TCF12: variants seen among roughly 807,000 people sequenced by gnomAD.
TCF12 encodes transcription factor 12, also known as DNA-binding protein HTF4.
A neutral mutation model predicts 86.0 loss-of-function variants in TCF12; 45 were observed. The ratio of observed to expected loss-of-function variants is 0.52; its 90% CI spans 0.41 to 0.67. The LOEUF is 0.67. TCF12 is among the 30% of genes least tolerant of loss of function. The pLI is 0.00. For missense variants in TCF12, 881 were observed against 859.9 expected (o/e 1.02, Z -0.31); for synonymous variants, 330 against 299.6 (o/e 1.10, Z -1.05).
In TCF12 at chr15:56,920,487, C is replaced by CACGTGTGTGTGTGTGTGTGT. The variant is rs3223202; in HGVS notation, c.75+499_75+500insACGTGTGTGTGTGTGTGTGT. Among the ~76,000 whole-genome samples, 509 of 146,950 alleles carry CACGTGTGTGTGTGTGTGTGT rather than the reference C, an allele frequency of 3.5e-3. 3 individuals are homozygous for CACGTGTGTGTGTGTGTGTGT. The highest frequency in any genetic ancestry group is 0.012 in the African/African-American group (473 of 39,704). On this transcript the variant is annotated intron_variant, in intron 2 of 20. Coordinates refer to ENST00000333725, the MANE Select transcript of TCF12 (RefSeq NM_207037.2). ...TACTTTTATTTTATACACACACACACGTGTGTGTGTGTGTGTGTGTGTATT... is the reference window on the plus strand; with the variant it reads ...TACTTTTATTTTATACACACACACACACGTGTGTGTGTGTGTGTGTGTGTGTGTGTGTGTGTGTGTGTATT...
chr15:56,926,140 T>G (rs1189283568), intron 3 of TCF12, among the ~76,000 whole-genome samples: 3 of 152,034 alleles, frequency 2.0e-5, no homozygotes, highest in Non-Finnish European at 2.9e-5. Flanking sequence ...AGCAAAACCC[T>G]GTCTCTACCA....
intron 5 of TCF12, among the ~76,000 whole-genome samples, chr15:57,096,971 T>G (rs547026558): frequency 1.3e-5 from 2 of 152,210 alleles, no homozygotes; most frequent in Non-Finnish European, 2.9e-5. Flanking sequence ...TCTCAGAACT[T>G]AAAGGGCACC....
chr15:57,223,295 C>CA (rs1224864757), intron 8 of TCF12, among the ~76,000 whole-genome samples: 1 of 151,956 alleles, frequency 6.6e-6, no homozygotes, highest in Non-Finnish European at 1.5e-5. Context: ...GTCTCCATAG[C>CA]AAAGGGCCAA....
Position 57,273,055 on chromosome 15 carries a change from A to G in TCF12, c.1771A>G (p.Asn591Asp), listed in dbSNP as rs772648156. 6.2e-7 allele frequency: 1 copy of G among 1,614,230 alleles called. No individual in the cohort carries two copies. Among genetic ancestry groups the G allele is most frequent in the Non-Finnish European group, 8.5e-7 (1 of 1,180,036 alleles). The change falls in exon 19 of 21, where the codon AAC (asparagine) becomes GAC (aspartate). Residue 591 changes from asparagine to aspartate, a missense_variant. Physicochemically the swap from Asn to Asp is conservative, Grantham distance 23 (BLOSUM62 1). This residue lies in a region of TCF12 where 766 missense variants were observed against 718.9 expected (regional missense o/e 1.07). Transcript: ENST00000333725. ...CAGTACTAATGAAGATGAGGATTTG[A>G]ACCCTGAACAGAAGATAGAAAGGGA... ...TSSTNEDEDL[N>D]PEQKIEREKE...
intron 3 of TCF12, among the ~76,000 whole-genome samples, chr15:56,977,604 G>A (rs1426193774): frequency 2.6e-5 from 4 of 151,560 alleles, no homozygotes; most frequent in African/African-American, 2.4e-5. Context: ...CACACAGAGA[G>A]GTGGAGACAG....
Position 57,197,826 on chromosome 15 carries a change from G to GT in TCF12, c.579+2dup. On this transcript the variant is annotated splice_donor_variant, in intron 8 of 20. Transcript: ENST00000333725. LOFTEE classifies it high-confidence loss of function. ...GGTGCCTCCTGGTTTGCCTTCTTCTGTAAGTACCTATCTTTTTTTAACTTG... is the reference window on the plus strand; with the variant it reads ...GGTGCCTCCTGGTTTGCCTTCTTCTGTTAAGTACCTATCTTTTTTTAACTTG... 6.2e-7 allele frequency: 1 copy of GT among 1,613,840 alleles called. No individual in the cohort carries two copies. The highest frequency in any genetic ancestry group is 8.5e-7 in the Non-Finnish European group (1 of 1,179,904).
intron 7 of TCF12, 75 bp from the exon 8 acceptor site, chr15:57,197,698 T>G (rs1460629484): frequency 1.1e-5 from 17 of 1,540,212 alleles, no homozygotes; most frequent in Non-Finnish European, 1.5e-5. Context: ...AGGGGAAAAG[T>G]TATTCTGTTA....
intron 3 of TCF12, among the ~76,000 whole-genome samples, chr15:57,045,716 T>C (rs1389952187): frequency 6.6e-6 from 1 of 152,078 alleles, no homozygotes; most frequent in Non-Finnish European, 1.5e-5. Context: ...TGGATAATTT[T>C]TGTATTTTTT....
chr15:57,244,531 C>T (rs1332641406), intron 13 of TCF12, among the ~76,000 whole-genome samples: 2 of 152,210 alleles, frequency 1.3e-5, no homozygotes, highest in African/African-American at 4.8e-5. Context: ...ATAATCTCGG[C>T]TTACTGCCAC....
intron 8 of TCF12, among the ~76,000 whole-genome samples, chr15:57,221,372 T>C (rs1432995223): frequency 2.5e-5 from 3 of 120,216 alleles, no homozygotes; most frequent in Admixed American, 2.0e-4. Context: ...GGTATGTGGG[T>C]ATGTGTGTGG....
intron 18 of TCF12, 73 bp from the exon 19 acceptor site, chr15:57,272,957 T>G: frequency 7.2e-7 from 1 of 1,394,280 alleles, no homozygotes; most frequent in East Asian, 2.4e-5. Context: ...CTTTACGCTT[T>G]ATAATTGTGC....
At chr15:57,069,717 C>T (rs1302996766) in intron 4 of TCF12, among the ~76,000 whole-genome samples, 1 of 152,118 alleles carries the variant, frequency 6.6e-6, no homozygotes, top group Admixed American at 6.5e-5. Context: ...TATGCTAGTG[C>T]TTTTTAACCC....
intron 6 of TCF12, among the ~76,000 whole-genome samples, chr15:57,177,471 A>G (rs903966427): frequency 6.6e-6 from 1 of 151,896 alleles, no homozygotes; most frequent in Admixed American, 6.6e-5. Context: ...GGGTTTCACC[A>G]TGTTGGCCAG....
chr15:57,135,677 A>G (rs2052469059), intron 5 of TCF12, among the ~76,000 whole-genome samples: 1 of 152,366 alleles, frequency 6.6e-6, no homozygotes, highest in African/African-American at 2.4e-5. Flanking sequence ...TAACTGCAGT[A>G]TATCACATAT....
Position 57,170,660 on chromosome 15 carries a change from A to T in TCF12, c.390+4194A>T, listed in dbSNP as rs1434453499. ...TATATATAATATATATATTATATAA[A>T]ATATATATATATATAATATATTATA... On this transcript the variant is annotated intron_variant, in intron 6 of 20. Coordinates refer to ENST00000333725, the MANE Select transcript of TCF12 (RefSeq NM_207037.2). Among the ~76,000 whole-genome samples the T allele has an allele frequency of 2.1e-3, 113 of 53,966 alleles. 5 individuals carry two copies. Among genetic ancestry groups the T allele is most frequent in the East Asian group, 9.6e-3 (16 of 1,670 alleles). 35.4% of individuals were successfully genotyped at this position (53,966 alleles called of 152,430 possible).
chr15:57,271,322 A>G (rs931386958), intron 18 of TCF12, among the ~76,000 whole-genome samples: 35 of 152,274 alleles, frequency 2.3e-4, no homozygotes, highest in African/African-American at 8.2e-4. Flanking sequence ...TGCCAAAGTT[A>G]GGCATCCCAG....
rs563016741 is a variant in TCF12, at chr15:57,176,370, C to T, written c.390+9904C>T. ...ATGTGCTTCAACTTTTATTCTAATA[C>T]TACCCAGCAAACTACATGTATAAGC... On this transcript the variant is annotated intron_variant, in intron 6 of 20. Transcript: ENST00000333725. Among the ~76,000 whole-genome samples, 38 of 152,320 alleles carry T rather than the reference C, an allele frequency of 2.5e-4. No individual in the cohort carries two copies. In the South Asian group the frequency reaches 7.5e-3, roughly 30 times the overall value.
At chr15:57,030,144 TATTGATTAATTA>T (rs1192742530) in intron 3 of TCF12, among the ~76,000 whole-genome samples, 1 of 151,980 alleles carries the variant, frequency 6.6e-6, no homozygotes, top group Non-Finnish European at 1.5e-5. Flanking sequence ...GAGTTTGCTT[TATTGATTAATTA>T]ATTGATTAAT....
At chr15:56,957,356 A>G (rs1397067962) in intron 3 of TCF12, among the ~76,000 whole-genome samples, 3 of 152,214 alleles carry the variant, frequency 2.0e-5, no homozygotes. Context: ...CTAATTATAT[A>G]TATATAGAAG....
Sources: allele counts gnomAD v4.1 joint callset (sites outside exome capture counted in the v4.1 genomes callset), GRCh38; gene constraint gnomAD v4.1.1; regional missense constraint gnomAD v4.1.1; transcripts MANE v1.5; gene names NCBI Gene and HGNC (gene_info 2026-07-23, HGNC 2026-07-21).